The following HECW1 variants were observed in gnomAD, a reference collection of about 807,000 sequenced individuals.
HECW1 encodes the protein HECT, C2 and WW domain containing E3 ubiquitin protein ligase 1.
HECW1 carries 61 observed loss-of-function variants against 182.3 expected under a neutral mutation model. The ratio of observed to expected loss-of-function variants is 0.33; its 90% CI spans 0.27 to 0.41. HECW1 has a LOEUF of 0.41. HECW1 is among the 10% of genes least tolerant of loss of function. The probability of loss-of-function intolerance (pLI) is 1.00; values close to 1 mark genes in which losing one functional copy is unlikely to be tolerated. For missense variants in HECW1, 1,739 were observed against 2,108.9 expected (o/e 0.82, Z 3.44); for synonymous variants, 859 against 832.6 (o/e 1.03, Z -0.55).
At chr7:43,329,270 C>G (rs1308006551) in intron 5 of HECW1, among the ~76,000 whole-genome samples, 1 of 152,016 alleles carries the variant, frequency 6.6e-6, no homozygotes, top group Non-Finnish European at 1.5e-5. Context: ...GTCAGAGGTT[C>G]TAGGCAGTTT....
chr7:43,270,267 G>A (rs1182395968), intron 3 of HECW1, among the ~76,000 whole-genome samples: 1 of 152,202 alleles, frequency 6.6e-6, no homozygotes, highest in Non-Finnish European at 1.5e-5. Flanking sequence ...CTCTTAGAAG[G>A]TTGTAAGTCA....
intron 2 of HECW1, among the ~76,000 whole-genome samples, chr7:43,117,323 G>A (rs761559617): frequency 6.6e-6 from 1 of 151,982 alleles, no homozygotes; most frequent in African/African-American, 2.4e-5. Context: ...GTTTCTCTCT[G>A]GTTCCTCATT....
intron 8 of HECW1, among the ~76,000 whole-genome samples, chr7:43,416,813 T>G (rs1331671460): frequency 4.1e-5 from 6 of 144,910 alleles, no homozygotes; most frequent in Non-Finnish European, 7.6e-5. Flanking sequence ...CGTCACCCCT[T>G]TCTTTGACTC....
Position 43,512,583 on chromosome 7 carries a change from A to C in HECW1, c.4019+3462A>C, listed in dbSNP as rs372507793. Among the ~76,000 whole-genome samples, 27 of 152,380 alleles carry C rather than the reference A, an allele frequency of 1.8e-4. No homozygotes were observed. The East Asian group carries it at 4.4e-3, about 25-fold the overall frequency. The stretch of plus-strand genomic sequence containing the variant: ...ATATGTTATCATAATCATTAATAAA[A>C]ATTAGATGAATTTAAAAGTCAGTTG... On this transcript the variant is annotated intron_variant, in intron 24 of 29. Coordinates refer to ENST00000395891, the MANE Select transcript of HECW1 (RefSeq NM_015052.5).
intron 17 of HECW1, among the ~76,000 whole-genome samples, chr7:43,481,974 C>CA (rs767419071): frequency 0.026 from 2,138 of 81,516 alleles, 61 homozygotes; most frequent in African/African-American, 0.09. Flanking sequence ...GACTCCATCT[C>CA]AAAAAAAAAA....
chr7:43,127,037 G>A (rs568017302), intron 2 of HECW1, among the ~76,000 whole-genome samples: 68 of 152,226 alleles, frequency 4.5e-4, no homozygotes, highest in African/African-American at 1.6e-3. Flanking sequence ...CAAGTGGAAG[G>A]GAGAGTCTCA....
At chr7:43,131,430 A>C (rs570258984) in intron 2 of HECW1, among the ~76,000 whole-genome samples, 1 of 152,260 alleles carries the variant, frequency 6.6e-6, no homozygotes, top group Non-Finnish European at 1.5e-5. Context: ...CCTTTCACTT[A>C]TTACTGGGCA....
chr7:43,310,809 C>T (rs112648367), intron 3 of HECW1, among the ~76,000 whole-genome samples: 3,694 of 152,308 alleles, frequency 0.024, 43 homozygotes, highest in Non-Finnish European at 0.037. Context: ...CATGAGTCAA[C>T]ACTTTTTTAG....
chr7:43,479,236 G>A (rs1296710455), intron 16 of HECW1, among the ~76,000 whole-genome samples: 2 of 152,154 alleles, frequency 1.3e-5, no homozygotes, highest in African/African-American at 2.4e-5. Flanking sequence ...GCCATCTGGG[G>A]GTAACGAGAG....
At chr7:43,177,005 G>A (rs1187005079) in intron 2 of HECW1, among the ~76,000 whole-genome samples, 1 of 152,100 alleles carries the variant, frequency 6.6e-6, no homozygotes, top group African/African-American at 2.4e-5. Context: ...ATTATAACAA[G>A]CTCTCTGGCT....
chr7:43,293,662 G>A (rs1027045445), intron 3 of HECW1, among the ~76,000 whole-genome samples: 1 of 152,186 alleles, frequency 6.6e-6, no homozygotes, highest in African/African-American at 2.4e-5. Context: ...CATGCCTAAA[G>A]GAGTGCTCCA....
chr7:43,524,239 A>G (rs116138059), intron 24 of HECW1, among the ~76,000 whole-genome samples: 3,159 of 152,254 alleles, frequency 0.021, 127 homozygotes, highest in African/African-American at 0.072. Context: ...AGAGTGTGAG[A>G]AAAAAAGCTG....
intron 2 of HECW1, among the ~76,000 whole-genome samples, chr7:43,182,257 G>C (rs1193569340): frequency 2.6e-5 from 4 of 152,150 alleles, no homozygotes; most frequent in Admixed American, 2.6e-4. Flanking sequence ...TTTCCCCAAT[G>C]TTTTCTTCTA....
chr7:43,392,617 G>A (rs1162150569), intron 6 of HECW1, among the ~76,000 whole-genome samples: 2 of 152,214 alleles, frequency 1.3e-5, no homozygotes. Flanking sequence ...GGGAACAGAA[G>A]GGGCCTGTAT....
At chr7:43,179,554 T>TTTGTTGTTG (rs35378292) in intron 2 of HECW1, among the ~76,000 whole-genome samples, 21,409 of 148,102 alleles carry the variant, frequency 0.14, 1,573 homozygotes, top group African/African-American at 0.18. Flanking sequence ...ATTTGCTAAG[T>TTTGTTGTTG]TTGTTGTTGT....
chr7:43,281,465 C>T (rs1036490899), intron 3 of HECW1, among the ~76,000 whole-genome samples: 8 of 152,126 alleles, frequency 5.3e-5, no homozygotes, highest in African/African-American at 1.7e-4. Flanking sequence ...AGATAGAAAA[C>T]CTGTTATTCA....
intron 2 of HECW1, among the ~76,000 whole-genome samples, chr7:43,234,704 G>A (rs1039602010): frequency 6.6e-6 from 1 of 152,072 alleles, no homozygotes; most frequent in Non-Finnish European, 1.5e-5. Flanking sequence ...TCTAACATGT[G>A]CAGTTTACTT....
intron 16 of HECW1, among the ~76,000 whole-genome samples, chr7:43,474,745 A>G (rs2078158011): frequency 6.6e-6 from 1 of 152,224 alleles, no homozygotes; most frequent in Non-Finnish European, 1.5e-5. Context: ...TTAGAAATAG[A>G]GTTTACATGA....
At chr7:43,478,478 C>T (rs1053531407) in intron 16 of HECW1, among the ~76,000 whole-genome samples, 6 of 152,214 alleles carry the variant, frequency 3.9e-5, no homozygotes, top group Admixed American at 3.9e-4. Flanking sequence ...AGTCAAATGT[C>T]TAACAATTAA....
Sources: gnomAD v4.1 joint callset for allele counts (sites outside exome capture counted in the v4.1 genomes callset) on GRCh38, gnomAD v4.1.1 for gene constraint, MANE v1.5 for transcripts, NCBI Gene and HGNC (gene_info 2026-07-23, HGNC 2026-07-21) for gene names.